The following CCDC92 variants were observed in gnomAD, a reference collection of about 807,000 sequenced individuals.
The protein encoded by CCDC92 is coiled-coil domain-containing protein 92.
CCDC92 carries 12 observed loss-of-function variants against 24.9 expected under a neutral mutation model. The observed-to-expected ratio is 0.48, with a 90% confidence interval of 0.31 to 0.78. The LOEUF (loss-of-function observed/expected upper bound fraction) is 0.78, where lower values mean the gene tolerates loss of function less well. Ranked by LOEUF, CCDC92 falls within the 30% of genes least tolerant of loss-of-function variation. CCDC92 has a pLI of 0.05. For synonymous variants in CCDC92, 193 were observed against 196.3 expected, an observed-to-expected ratio of 0.98 and a Z score of 0.14; for missense variants, 399 against 439.4, an observed-to-expected ratio of 0.91 and a Z score of 0.82.
chr12:123,938,079 T>TAAAG (rs1292002903), intron 4 of CCDC92, among the ~76,000 whole-genome samples: 1 of 152,184 alleles, frequency 6.6e-6, no homozygotes, highest in Non-Finnish European at 1.5e-5. Flanking sequence ...CTCTGAACCT[T>TAAAG]AAAGATGCTG....
At position 123,937,665 on chromosome 12, in the gene CCDC92, T is replaced by A. The variant is rs769598142; in HGVS notation, c.389A>T (p.Tyr130Phe). The A allele has an allele frequency of 6.2e-7, 1 of 1,614,066 alleles. No homozygotes were observed. Among genetic ancestry groups the A allele is most frequent in the South Asian group, 1.1e-5 (1 of 91,074 alleles). The stretch of plus-strand genomic sequence containing the variant: ...ACTCTTGGCCTTCAGCTCCTCCAGG[T>A]ACTTCTTCTCTCGCTCCTTGATGGT... ...ENTIKEREKK[Y>F]LEELKAKSHK... The change falls in exon 5 of 5, where the codon TAC becomes TTC. Residue 130 changes from tyrosine (Y) to phenylalanine (F), a missense_variant. Tyr to Phe is a conservative substitution (Grantham distance 22). Transcript: ENST00000238156. The surrounding 1 kb of genome is among the most constrained non-coding windows in gnomAD (Gnocchi z 8.4).
intron 1 of CCDC92, among the ~76,000 whole-genome samples, chr12:123,971,053 A>G (rs888494496): frequency 2.6e-5 from 4 of 152,246 alleles, no homozygotes; most frequent in Non-Finnish European, 4.4e-5. Flanking sequence ...TCTAATTTCA[A>G]AAAAACCCTA....
intron 1 of CCDC92, among the ~76,000 whole-genome samples, chr12:123,948,285 C>T (rs1300475950): frequency 3.3e-5 from 5 of 152,240 alleles, no homozygotes; most frequent in African/African-American, 1.2e-4. Flanking sequence ...ATGTTATCAG[C>T]AGCCATCTCT....
At chr12:123,963,550 G>A (rs1282535893) in intron 1 of CCDC92, among the ~76,000 whole-genome samples, 1 of 152,176 alleles carries the variant, frequency 6.6e-6, no homozygotes, top group African/African-American at 2.4e-5. Context: ...TTGCTTGGAA[G>A]AAAAAGGATT....
intron 1 of CCDC92, chr12:123,966,170 T>C (rs187772596): frequency 1.3e-5 from 2 of 152,314 alleles, no homozygotes; most frequent in Admixed American, 1.3e-4. Context: ...TAAATAAAGC[T>C]GTAAAGCCCT....
At chr12:123,968,350 AGAT>A (rs1241375242) in intron 1 of CCDC92, 1 of 152,250 alleles carries the variant, frequency 6.6e-6, no homozygotes, top group Non-Finnish European at 1.5e-5. Context: ...AAGTCTTTAA[AGAT>A]GTTTGTGTGA....
At chr12:123,946,025 C>CCCCGCCATCCATTTCCA in intron 1 of CCDC92, 1 of 153,496 alleles carries the variant, frequency 6.5e-6, no homozygotes, top group Non-Finnish European at 1.4e-5. Context: ...TGCTGGCATC[C>CCCCGCCATCCATTTCCA]TGCTTTGAAA....
chr12:123,939,095 C>A (rs1268778336), intron 4 of CCDC92, among the ~76,000 whole-genome samples: 1 of 152,242 alleles, frequency 6.6e-6, no homozygotes, highest in African/African-American at 2.4e-5. Flanking sequence ...CCACATAAAT[C>A]AAAGCTTCCA....
At chr12:123,939,184 C>T (rs1955611622) in intron 4 of CCDC92, among the ~76,000 whole-genome samples, 1 of 152,194 alleles carries the variant, frequency 6.6e-6, no homozygotes, top group African/African-American at 2.4e-5. Context: ...ACCTGCACGC[C>T]CAGTTTCCCT....
intron 1 of CCDC92, among the ~76,000 whole-genome samples, chr12:123,958,905 T>A (rs1009861417): frequency 6.6e-6 from 1 of 152,350 alleles, no homozygotes; most frequent in Admixed American, 6.5e-5. Context: ...TCAGAATTCA[T>A]GTTAGCTGAC....
Position 123,964,059 on chromosome 12 carries a change from A to G in CCDC92, c.-60+8470T>C, listed in dbSNP as rs1169116384. 2.0e-5 allele frequency among the ~76,000 whole-genome samples: 3 copies of G among 152,252 alleles called. No homozygotes were observed. In the South Asian group the frequency reaches 6.2e-4, roughly 31 times the overall value. ...CCAGGAAACCCTGTTTACAAGAGCC[A>G]TAATTTGAACTTTGTAATTTGCAGA... On this transcript the variant is annotated intron_variant, in intron 1 of 4. Transcript: ENST00000238156.
intron 1 of CCDC92, among the ~76,000 whole-genome samples, chr12:123,971,243 T>C (rs921301405): frequency 6.6e-6 from 1 of 152,186 alleles, no homozygotes; most frequent in Non-Finnish European, 1.5e-5. Context: ...CGCATACCCG[T>C]ATATATAATC....
rs200185333 is a variant in CCDC92 at position 123,943,390 on chromosome 12, C to A, written c.138G>T (p.Lys46Asn). 2.3e-5 allele frequency: 37 copies of A among 1,614,080 alleles called. No homozygotes were observed. The highest frequency in any genetic ancestry group is 2.2e-4 in the Admixed American group (13 of 60,026). Residue 46 changes from lysine (K) to asparagine (N), a missense_variant, in exon 3 of 5, where the codon AAG (lysine) becomes AAT (asparagine). Physicochemically the swap from Lys to Asn is moderately conservative, Grantham distance 94. Coordinates refer to ENST00000238156, the MANE Select transcript of CCDC92 (RefSeq NM_025140.3). ...GCCGCCTGATCTCGGAGTGCAGCCC[C>A]TTGAGCGTGCTGGCATGCTCCCGCT... ...FLQREHASTL[K>N]GLHSEIRRLQ...
At chr12:123,947,440 G>T (rs912304231) in intron 1 of CCDC92, among the ~76,000 whole-genome samples, 1 of 152,230 alleles carries the variant, frequency 6.6e-6, no homozygotes, top group Non-Finnish European at 1.5e-5. Flanking sequence ...TGGTGGGGAC[G>T]TGGGGAACCT....
Position 123,964,264 on chromosome 12 carries a change from A to T in CCDC92, c.-60+8265T>A, listed in dbSNP as rs558392210. Among the ~76,000 whole-genome samples the T allele has an allele frequency of 1.5e-4, 23 of 152,364 alleles. No individual in the cohort carries two copies. The East Asian group carries it at 4.0e-3, about 27-fold the overall frequency. On this transcript the variant is annotated intron_variant, in intron 1 of 4. Coordinates refer to ENST00000238156, the MANE Select transcript of CCDC92 (RefSeq NM_025140.3). ...AGTTATTTATCTTTTTTTTAAAAAA[A>T]GTGTCTGTATTAACAACAAGGAGGC...
At chr12:123,961,022 C>G (rs6488913) in intron 1 of CCDC92, 85,290 of 152,178 alleles carry the variant, frequency 0.56, 26,872 homozygotes, top group East Asian at 0.91. Context: ...ACTGTGTACT[C>G]AGTCCTATGC....
rs184553560 is a variant in CCDC92 at position 123,954,026 on chromosome 12, A to G, written c.-59-9662T>C. Reference sequence around the variant, plus strand: ...TGGACTCGGTGATTTTTACCTTTTAAAAGTTCTATTTTAGTACTATCTAAA... The same window carrying G: ...TGGACTCGGTGATTTTTACCTTTTAGAAGTTCTATTTTAGTACTATCTAAA... On this transcript the variant is annotated intron_variant, in intron 1 of 4. Coordinates refer to ENST00000238156, the MANE Select transcript of CCDC92 (RefSeq NM_025140.3). Among the ~76,000 whole-genome samples the G allele has an allele frequency of 4.6e-3, 694 of 152,360 alleles. 5 individuals are homozygous for G. The highest frequency in any genetic ancestry group is 5.5e-3 in the Non-Finnish European group (377 of 68,040).
intron 1 of CCDC92, chr12:123,945,155 G>A (rs1264691498): frequency 6.6e-6 from 1 of 152,204 alleles, no homozygotes; most frequent in African/African-American, 2.4e-5. Context: ...TTCTAGGCAT[G>A]TTTCTATAAA....
chr12:123,961,923 C>T (rs1390610676), intron 1 of CCDC92, among the ~76,000 whole-genome samples: 1 of 152,174 alleles, frequency 6.6e-6, no homozygotes, highest in Admixed American at 6.5e-5. Context: ...AAAGCCTATG[C>T]TCTCAACTAG....
Sources: allele counts gnomAD v4.1 joint callset (sites outside exome capture counted in the v4.1 genomes callset), GRCh38; gene constraint gnomAD v4.1.1; non-coding constraint Gnocchi (gnomAD v3.1); transcripts MANE v1.5; gene names NCBI Gene and HGNC (gene_info 2026-07-23, HGNC 2026-07-21).